The following NBAS variants were observed in gnomAD, a reference collection of about 807,000 sequenced individuals.
NBAS encodes the protein NBAS subunit of NRZ tethering complex, also known as NAG/BC035112 fusion.
NBAS carries 219 observed loss-of-function variants against 302.5 expected under a neutral mutation model. The ratio of observed to expected loss-of-function variants is 0.72; its 90% CI spans 0.65 to 0.81. The LOEUF is 0.81. Ranked by LOEUF, NBAS falls within the 30% of genes least tolerant of loss-of-function variation. NBAS has a pLI of 0.00. For missense variants in NBAS, 2,932 were observed against 2,841.6 expected (o/e 1.03, Z -0.72); for synonymous variants, 1,118 against 1,021.6 (o/e 1.09, Z -1.80).
chr2:14,971,874 C>T, the NBAS span, among the ~76,000 whole-genome samples: 1 of 152,152 alleles, frequency 6.6e-6, no homozygotes, highest in Non-Finnish European at 1.5e-5. Context: ...AATACCAAGA[C>T]AACCAGATAC....
chr2:15,481,962 G>A (rs1680445491), intron 12 of NBAS, among the ~76,000 whole-genome samples: 1 of 152,180 alleles, frequency 6.6e-6, no homozygotes, highest in Non-Finnish European at 1.5e-5. Context: ...CTCACAGTAG[G>A]AGAGGAATGT....
At chr2:15,468,269 T>C in intron 17 of NBAS, 113 bp downstream of exon 17, 4 of 1,285,138 alleles carry the variant, frequency 3.1e-6, no homozygotes, top group Non-Finnish European at 4.5e-6. Flanking sequence ...CAAAAGCAAC[T>C]GCTTCAGTAC....
chr2:14,846,939 A>C, the NBAS span, among the ~76,000 whole-genome samples: 32,482 of 152,076 alleles, frequency 0.21, 5,642 homozygotes, highest in African/African-American at 0.48. Context: ...AACAAATAGC[A>C]AAAAGGCAAG....
intron 47 of NBAS, among the ~76,000 whole-genome samples, chr2:15,224,116 T>C (rs570256431): frequency 1.2e-4 from 19 of 152,284 alleles, no homozygotes; most frequent in East Asian, 9.6e-4. Context: ...AACATGTCCA[T>C]TGAATGACTA....
chr2:15,393,290 G>A (rs140578019), intron 28 of NBAS, among the ~76,000 whole-genome samples: 22 of 151,886 alleles, frequency 1.4e-4, no homozygotes, highest in South Asian at 8.3e-4. Context: ...GAAAATCTTC[G>A]CAAAGCATAT....
the NBAS span, among the ~76,000 whole-genome samples, chr2:15,005,301 T>G: frequency 3.3e-5 from 5 of 152,200 alleles, no homozygotes; most frequent in Non-Finnish European, 7.3e-5. Flanking sequence ...CTCCCCAACA[T>G]CCCTGGCAGC....
At chr2:14,782,341 A>G in the NBAS span, among the ~76,000 whole-genome samples, 1 of 152,230 alleles carries the variant, frequency 6.6e-6, no homozygotes, top group Non-Finnish European at 1.5e-5. Context: ...CATGTGGCCA[A>G]CAAGCATATG....
intron 34 of NBAS, among the ~76,000 whole-genome samples, chr2:15,352,847 T>C (rs1466203376): frequency 6.6e-6 from 1 of 152,096 alleles, no homozygotes; most frequent in Non-Finnish European, 1.5e-5. Context: ...GGGGTTTTTT[T>C]CTATCTATAG....
chr2:14,909,155 C>T, the NBAS span, among the ~76,000 whole-genome samples: 2 of 151,838 alleles, frequency 1.3e-5, no homozygotes, highest in African/African-American at 2.4e-5. Context: ...CCCGTCTCTA[C>T]TAAAAATACA....
intron 47 of NBAS, among the ~76,000 whole-genome samples, chr2:15,220,520 G>A (rs1209734115): frequency 2.0e-5 from 3 of 152,170 alleles, no homozygotes; most frequent in Non-Finnish European, 2.9e-5. Context: ...AGTGAAGTAT[G>A]AATGCTTGGT....
intron 4 of NBAS, among the ~76,000 whole-genome samples, chr2:15,553,859 C>CCTCT (rs1558434923): frequency 1.0e-5 from 1 of 95,636 alleles, no homozygotes. Flanking sequence ...TCTCTCCCTC[C>CCTCT]CTCCCTCTCT....
the NBAS span, among the ~76,000 whole-genome samples, chr2:15,144,048 A>ATAT: frequency 9.7e-5 from 11 of 113,824 alleles, no homozygotes; most frequent in African/African-American, 4.2e-4. Flanking sequence ...TATATATAAA[A>ATAT]ATATATATAT....
chr2:15,188,872 A>C (rs1481410655), intron 49 of NBAS, among the ~76,000 whole-genome samples: 1 of 152,190 alleles, frequency 6.6e-6, no homozygotes. Flanking sequence ...TCTACAATTC[A>C]ACTCTAATAA....
the NBAS span, among the ~76,000 whole-genome samples, chr2:15,009,310 TAAG>T: frequency 2.0e-5 from 3 of 152,000 alleles, no homozygotes; most frequent in Admixed American, 2.0e-4. Context: ...CACTGACAAA[TAAG>T]AAGTACACCA....
chr2:15,457,315 G>T (rs1010486550), intron 21 of NBAS, among the ~76,000 whole-genome samples: 1 of 152,136 alleles, frequency 6.6e-6, no homozygotes, highest in East Asian at 1.9e-4. Context: ...TATAAGTGGA[G>T]GAGTCAAAGA....
the NBAS span, among the ~76,000 whole-genome samples, chr2:14,970,243 T>C: frequency 1.3e-5 from 2 of 152,320 alleles, no homozygotes; most frequent in South Asian, 2.1e-4. Flanking sequence ...AAATACTGCA[T>C]ATATATTTCT....
rs2148415287 is a variant in NBAS, at chr2:15,396,456, T to G, written c.3091A>C (p.Thr1031Pro). 1 of 1,604,280 alleles carries G rather than the reference T, an allele frequency of 6.2e-7. No individual in the cohort carries two copies. Among genetic ancestry groups the G allele is most frequent in the East Asian group, 2.2e-5 (1 of 44,708 alleles). Reference sequence around the variant, plus strand: ...TGGTCTACCATGTCATGAAGCTTTGTGGTTGCCTCTGTCTTATCACTAATA... The same window carrying G: ...TGGTCTACCATGTCATGAAGCTTTGGGGTTGCCTCTGTCTTATCACTAATA... Reference protein sequence around the residue: ...RGYGDKTEATTKLHDMVDQLE... With the variant: ...RGYGDKTEATPKLHDMVDQLE... Residue 1031 changes from threonine to proline, a missense_variant, in exon 27 of 52, where the codon ACA (threonine) becomes CCA (proline). Coordinates refer to ENST00000281513, the MANE Select transcript of NBAS (RefSeq NM_015909.4).
chr2:15,199,106 G>T (rs1452769790), intron 48 of NBAS, among the ~76,000 whole-genome samples: 1 of 120,306 alleles, frequency 8.3e-6, no homozygotes. Context: ...CAGCCTGGGC[G>T]ACAGAGTAAG....
At chr2:15,002,952 C>T in the NBAS span, among the ~76,000 whole-genome samples, 2 of 152,264 alleles carry the variant, frequency 1.3e-5, no homozygotes, top group Non-Finnish European at 2.9e-5. Flanking sequence ...GGAGCCGGCT[C>T]CGGCCTTGGC....
Sources: allele counts gnomAD v4.1 joint callset (sites outside exome capture counted in the v4.1 genomes callset), GRCh38; gene constraint gnomAD v4.1.1; transcripts MANE v1.5; gene names NCBI Gene and HGNC (gene_info 2026-07-23, HGNC 2026-07-21).